RANBP2: variants seen among roughly 807,000 people sequenced by gnomAD.
The protein encoded by RANBP2 is E3 SUMO-protein ligase RanBP2.
Under a neutral mutation model 303.6 loss-of-function variants are expected in RANBP2, and 57 were observed. That is an observed-to-expected ratio of 0.19 (90% CI 0.15 to 0.23). RANBP2 has a LOEUF of 0.23. Among genes scored for constraint, RANBP2 ranks in the 10% least tolerant of loss-of-function variants. The pLI is 1.00. For missense variants in RANBP2, 3,138 were observed against 3,780.8 expected, an observed-to-expected ratio of 0.83 and a Z score of 4.46; for synonymous variants, 1,167 against 1,301.5, an observed-to-expected ratio of 0.90 and a Z score of 2.23.
At chr2:109,130,009 G>A in the RANBP2 span, 2 of 1,302,228 alleles carry the variant, frequency 1.5e-6, no homozygotes, top group South Asian at 2.3e-5. Flanking sequence ...GGGCGGCGCG[G>A]CAGGCAGCAC....
chr2:109,569,406 T>C, the RANBP2 span, among the ~76,000 whole-genome samples: 1 of 148,386 alleles, frequency 6.7e-6, no homozygotes, highest in African/African-American at 2.5e-5. Context: ...ATTCCACACT[T>C]CAGCCTGGGC....
chr2:109,171,783 C>A, the RANBP2 span, among the ~76,000 whole-genome samples: 1,422 of 152,374 alleles, frequency 9.3e-3, 32 homozygotes, highest in African/African-American at 0.032. Context: ...GCATCCCGGC[C>A]ACGCTCACTT....
the RANBP2 span, among the ~76,000 whole-genome samples, chr2:109,249,647 C>CTCTTTCTT: frequency 3.1e-4 from 40 of 130,864 alleles, no homozygotes; most frequent in African/African-American, 1.1e-3. Flanking sequence ...CTCTGTTTCT[C>CTCTTTCTT]TCTTTCTTTC....
At chr2:108,807,877 C>T in the RANBP2 span, among the ~76,000 whole-genome samples, 2 of 152,144 alleles carry the variant, frequency 1.3e-5, no homozygotes, top group Non-Finnish European at 2.9e-5. Context: ...CCGAAGTGCT[C>T]GGATTACAGG....
chr2:109,733,235 G>T, the RANBP2 span: 1 of 341,962 alleles, frequency 2.9e-6, no homozygotes, highest in South Asian at 2.6e-5. Flanking sequence ...ATTCACAATC[G>T]AATGGAATTT....
Position 108,758,590 on chromosome 2 carries a change from C to T in RANBP2, c.2602+42C>T, listed in dbSNP as rs772612492. 14 of 1,609,880 alleles carry T rather than the reference C, an allele frequency of 8.7e-6. No individual in the cohort carries two copies. The South Asian group carries it at 1.5e-4, about 18-fold the overall frequency. On this transcript the variant is annotated intron_variant, in intron 18 of 28. Transcript: ENST00000283195. Reference sequence around the variant, plus strand: ...ATAATCGCATATTTTAGTAAAACTACTTTACTTCCCTCTTTTAAGTAGATA... The same window carrying T: ...ATAATCGCATATTTTAGTAAAACTATTTTACTTCCCTCTTTTAAGTAGATA...
the RANBP2 span, among the ~76,000 whole-genome samples, chr2:109,074,431 G>A: frequency 6.6e-6 from 1 of 150,692 alleles, no homozygotes; most frequent in Non-Finnish European, 1.5e-5. Context: ...TGAATGTGGC[G>A]GCTTATGCCT....
chr2:109,120,808 C>T, the RANBP2 span, among the ~76,000 whole-genome samples: 1 of 152,014 alleles, frequency 6.6e-6, no homozygotes, highest in Admixed American at 6.6e-5. Flanking sequence ...GCAGCGGATA[C>T]CTACTTCCCT....
chr2:109,505,536 A>G, the RANBP2 span, among the ~76,000 whole-genome samples: 210 of 152,202 alleles, frequency 1.4e-3, 2 homozygotes, highest in African/African-American at 4.4e-3. Context: ...AAAAAAGTGA[A>G]CTCGTACAAG....
chr2:109,250,132 T>G, the RANBP2 span, among the ~76,000 whole-genome samples: 2 of 151,792 alleles, frequency 1.3e-5, no homozygotes, highest in Non-Finnish European at 2.9e-5. Context: ...TGTTTTTATC[T>G]GTCCTTAAGG....
chr2:109,114,832 G>A, the RANBP2 span, among the ~76,000 whole-genome samples: 1 of 152,184 alleles, frequency 6.6e-6, no homozygotes, highest in African/African-American at 2.4e-5. Flanking sequence ...GGTATGTTGT[G>A]TCTTTGTTCT....
At chr2:109,163,111 C>G in the RANBP2 span, among the ~76,000 whole-genome samples, 19 of 152,204 alleles carry the variant, frequency 1.2e-4, no homozygotes, top group Non-Finnish European at 2.5e-4. Context: ...ACCTTGGCAG[C>G]TTTTCCACAG....
chr2:109,316,427 AAC>A, the RANBP2 span, among the ~76,000 whole-genome samples: 1 of 152,194 alleles, frequency 6.6e-6, no homozygotes, highest in African/African-American at 2.4e-5. Flanking sequence ...TCACAGGAGG[AAC>A]ACAGGTGTGA....
In RANBP2 at chr2:108,775,766, A is replaced by G; in HGVS notation, c.8327A>G (p.Asp2776Gly). The G allele has an allele frequency of 6.2e-7, 1 of 1,613,838 alleles. No homozygotes were observed. Among genetic ancestry groups the G allele is most frequent in the Admixed American group, 1.7e-5 (1 of 60,018 alleles). ...SQTEEITSTTDSVYTGGTEVM... is the reference protein window; with the variant it reads ...SQTEEITSTTGSVYTGGTEVM... ...ACAGAAGAAATAACTAGCACAACTG[A>G]CAGTGTATATACAGGTGGGACTGAA... The change falls in exon 24 of 29, where the codon GAC becomes GGC. Residue 2776 changes from aspartate to glycine, a missense_variant. Asp to Gly is a moderately conservative substitution (Grantham distance 94). This residue lies in a region of RANBP2 where 497 missense variants were observed against 465.8 expected (regional missense o/e 1.07). Transcript: ENST00000283195.
At chr2:109,354,934 G>A in the RANBP2 span, among the ~76,000 whole-genome samples, 2 of 152,230 alleles carry the variant, frequency 1.3e-5, no homozygotes, top group African/African-American at 4.8e-5. Flanking sequence ...AGGAAGAAAG[G>A]TGATATAGTT....
At chr2:109,533,290 A>C in the RANBP2 span, among the ~76,000 whole-genome samples, 1 of 152,262 alleles carries the variant, frequency 6.6e-6, no homozygotes, top group South Asian at 2.1e-4. Context: ...GGCTGCGCTC[A>C]CTGCTGACCT....
chr2:109,683,413 T>C, the RANBP2 span, among the ~76,000 whole-genome samples: 1 of 152,224 alleles, frequency 6.6e-6, no homozygotes, highest in Non-Finnish European at 1.5e-5. Flanking sequence ...CTCTTATTAA[T>C]CTGCCTTTTT....
chr2:109,226,072 G>A, the RANBP2 span, among the ~76,000 whole-genome samples: 1 of 152,210 alleles, frequency 6.6e-6, no homozygotes, highest in Non-Finnish European at 1.5e-5. Context: ...CTGCATAGCT[G>A]TAATATTGTC....
In RANBP2 at chr2:108,763,910, G is replaced by C; in HGVS notation, c.3371G>C (p.Gly1124Ala). Reference protein sequence around the residue: ...NMGSSQQKNSGFRRSDDMFTF... With the variant: ...NMGSSQQKNSAFRRSDDMFTF... ...GGGTCGAGTCAGCAAAAGAATTCTG[G>C]TTTTCGGCGAAGTGATGATATGTTT... The change falls in exon 20 of 29, where the codon GGT becomes GCT. Residue 1124 changes from glycine (G) to alanine (A), a missense_variant. Gly to Ala is a moderately conservative substitution (Grantham distance 60). Coordinates refer to ENST00000283195, the MANE Select transcript of RANBP2 (RefSeq NM_006267.5). The C allele has an allele frequency of 6.2e-7, 1 of 1,613,894 alleles. No individual in the cohort carries two copies. Among genetic ancestry groups the C allele is most frequent in the Non-Finnish European group, 8.5e-7 (1 of 1,179,970 alleles).
Sources: gnomAD v4.1 joint callset for allele counts (sites outside exome capture counted in the v4.1 genomes callset) on GRCh38, gnomAD v4.1.1 for gene constraint, gnomAD v4.1.1 regional missense constraint, MANE v1.5 for transcripts, NCBI Gene and HGNC (gene_info 2026-07-23, HGNC 2026-07-21) for gene names.